Variants in SACM1L observed in about 807,000 individuals in gnomAD.
SACM1L encodes the protein SAC1 like phosphatidylinositide phosphatase, also known as phosphatidylinositol-3-phosphatase SAC1.
In SACM1L, 32 loss-of-function variants were observed where a neutral mutation model predicts 89.5. The ratio of observed to expected loss-of-function variants is 0.36; its 90% CI spans 0.27 to 0.48. The LOEUF is 0.48. Among genes scored for constraint, SACM1L ranks in the 20% least tolerant of loss-of-function variants. The probability of loss-of-function intolerance (pLI) is 0.99; values close to 1 mark genes in which losing one functional copy is unlikely to be tolerated. For missense variants in SACM1L, 543 were observed against 708.5 expected, an observed-to-expected ratio of 0.77 and a Z score of 2.65; for synonymous variants, 213 against 232.8, an observed-to-expected ratio of 0.92 and a Z score of 0.77.
chr3:45,711,869 G>A (rs2125691137), intron 5 of SACM1L, among the ~76,000 whole-genome samples: 1 of 152,170 alleles, frequency 6.6e-6, no homozygotes, highest in Middle Eastern at 3.4e-3. Context: ...GCAGAATCCT[G>A]TACATTTTTA....
chr3:45,717,549 G>A (rs528331529), intron 7 of SACM1L, among the ~76,000 whole-genome samples: 2 of 152,184 alleles, frequency 1.3e-5, no homozygotes, highest in Admixed American at 1.3e-4. Flanking sequence ...GAAGTTGGAT[G>A]GTAGGTTCAC....
chr3:45,730,349 AT>A (rs34477868), intron 11 of SACM1L, among the ~76,000 whole-genome samples: 3,756 of 143,924 alleles, frequency 0.026, 137 homozygotes, highest in African/African-American at 0.08. Context: ...CTGCTAATCC[AT>A]TTTTTTTTTT....
At chr3:45,713,088 A>G (rs767283340) in intron 5 of SACM1L, 49 bp from the exon 6 acceptor site, 2 of 1,475,442 alleles carry the variant, frequency 1.4e-6, no homozygotes, top group Non-Finnish European at 1.9e-6. Context: ...TTTCTGTAGA[A>G]AGTAAGCTTG....
intron 11 of SACM1L, among the ~76,000 whole-genome samples, chr3:45,729,674 A>G (rs1467144124): frequency 6.6e-6 from 1 of 152,140 alleles, no homozygotes; most frequent in Non-Finnish European, 1.5e-5. Flanking sequence ...GGATAATCCC[A>G]TTGAGAATCT....
chr3:45,743,459 G>T, intron 19 of SACM1L, 74 bp from the exon 20 acceptor site: 2 of 1,474,026 alleles, frequency 1.4e-6, no homozygotes, highest in Non-Finnish European at 9.1e-7. Context: ...TTGCCAAAAT[G>T]TGCTAAACAG....
chr3:45,738,101 C>T lies in SACM1L; in HGVS notation c.1382+257C>T, dbSNP rs189493010. On this transcript the variant is annotated intron_variant, in intron 16 of 19. Coordinates refer to ENST00000389061, the MANE Select transcript of SACM1L (RefSeq NM_014016.5). Reference sequence around the variant, plus strand: ...CTCCACAGTGCTCCTCAGACCTTACCGTGTACCTGAAGCACCAGTCTTGAG... The same window carrying T: ...CTCCACAGTGCTCCTCAGACCTTACTGTGTACCTGAAGCACCAGTCTTGAG... Among the ~76,000 whole-genome samples the T allele has an allele frequency of 7.6e-4, 115 of 152,270 alleles. 1 individual carries two copies. Among genetic ancestry groups the T allele is most frequent in the Non-Finnish European group, 1.1e-3 (76 of 68,024 alleles).
At chr3:45,724,641 C>T (rs1698874987) in intron 11 of SACM1L, among the ~76,000 whole-genome samples, 1 of 151,926 alleles carries the variant, frequency 6.6e-6, no homozygotes, top group Non-Finnish European at 1.5e-5. Flanking sequence ...TTGTTTAAGT[C>T]CAGCTTATCT....
chr3:45,692,779 T>C (rs1222584339), intron 1 of SACM1L, among the ~76,000 whole-genome samples: 1 of 152,234 alleles, frequency 6.6e-6, no homozygotes, highest in Non-Finnish European at 1.5e-5. Flanking sequence ...ATTTATGTAT[T>C]CTGTCTCTTA....
At chr3:45,727,755 C>T (rs1035667240) in intron 11 of SACM1L, among the ~76,000 whole-genome samples, 2 of 152,160 alleles carry the variant, frequency 1.3e-5, no homozygotes, top group African/African-American at 4.8e-5. Flanking sequence ...ACCACCACAC[C>T]TGGCTGATTT....
In SACM1L at chr3:45,702,424, C is replaced by A. The variant is rs143773192; in HGVS notation, c.33-1014C>A. Among the ~76,000 whole-genome samples, 839 of 152,236 alleles carry A rather than the reference C, an allele frequency of 5.5e-3. 3 individuals carry two copies. The highest frequency in any genetic ancestry group is 0.012 in the African/African-American group (506 of 41,542). ...TGCACAGATAGAACAGATAGAAATT[C>A]TTTTAAGTCTGGTTTGTGAACAATA... is the stretch of plus-strand genomic sequence containing the variant. On this transcript the variant is annotated intron_variant, in intron 1 of 19. Coordinates refer to ENST00000389061, the MANE Select transcript of SACM1L (RefSeq NM_014016.5).
chr3:45,720,580 CT>C (rs938680902), intron 8 of SACM1L, among the ~76,000 whole-genome samples: 33 of 152,088 alleles, frequency 2.2e-4, no homozygotes, highest in East Asian at 5.8e-4. Flanking sequence ...ACCTTGTTTC[CT>C]TTTTTTCCTT....
chr3:45,694,518 C>A (rs1236832747), intron 1 of SACM1L, among the ~76,000 whole-genome samples: 1 of 152,124 alleles, frequency 6.6e-6, no homozygotes, highest in African/African-American at 2.4e-5. Context: ...GGGTTTGTAT[C>A]CAAAGCATTA....
At chr3:45,741,087 A>G (rs1394745860) in intron 19 of SACM1L, among the ~76,000 whole-genome samples, 1 of 152,216 alleles carries the variant, frequency 6.6e-6, no homozygotes, top group Non-Finnish European at 1.5e-5. Flanking sequence ...GACTTGGTGT[A>G]TTGGACGTTG....
chr3:45,723,889 T>C (rs1391679629), intron 11 of SACM1L, among the ~76,000 whole-genome samples: 1 of 152,148 alleles, frequency 6.6e-6, no homozygotes. Flanking sequence ...GTAGCATGTA[T>C]AGAATTTCAT....
intron 11 of SACM1L, among the ~76,000 whole-genome samples, chr3:45,730,251 TTATAA>T (rs1371955135): frequency 1.3e-5 from 2 of 152,014 alleles, no homozygotes; most frequent in Non-Finnish European, 1.5e-5. Context: ...TGTTTGATTA[TTATAA>T]TATCATAACT....
intron 11 of SACM1L, among the ~76,000 whole-genome samples, chr3:45,723,950 GCACACA>G (rs762724452): frequency 4.3e-5 from 5 of 117,450 alleles, no homozygotes; most frequent in South Asian, 2.6e-4. Flanking sequence ...ATGCATATAT[GCACACA>G]CACACACAGA....
intron 6 of SACM1L, chr3:45,713,468 T>TA (rs1341371598): frequency 1.2e-5 from 3 of 243,136 alleles, no homozygotes; most frequent in Non-Finnish European, 2.3e-5. Context: ...GGTACATGGA[T>TA]AATGGAGAAA....
intron 11 of SACM1L, among the ~76,000 whole-genome samples, chr3:45,728,460 G>T (rs570769880): frequency 5.3e-5 from 8 of 151,884 alleles, no homozygotes; most frequent in Non-Finnish European, 1.2e-4. Context: ...TTCTATAGCT[G>T]TTTTCTTTGT....
At chr3:45,731,440 C>T in intron 12 of SACM1L, 60 bp downstream of exon 12, 1 of 1,086,050 alleles carries the variant, frequency 9.2e-7, no homozygotes, top group Non-Finnish European at 1.4e-6. Flanking sequence ...TACATATATG[C>T]ATGATTACAT....
Sources: allele counts gnomAD v4.1 joint callset (sites outside exome capture counted in the v4.1 genomes callset), GRCh38; gene constraint gnomAD v4.1.1; transcripts MANE v1.5; gene names NCBI Gene and HGNC (gene_info 2026-07-23, HGNC 2026-07-21).